Variants in MACF1 observed in about 807,000 individuals in gnomAD.
MACF1 encodes microtubule actin crosslinking factor 1.
Under a neutral mutation model 854.8 loss-of-function variants are expected in MACF1, and 193 were observed. The ratio of observed to expected loss-of-function variants is 0.23; its 90% CI spans 0.20 to 0.25. MACF1 has a LOEUF of 0.25. Ranked by LOEUF, MACF1 falls within the 10% of genes least tolerant of loss-of-function variation. The pLI, the probability that MACF1 is intolerant of heterozygous loss-of-function variation, is 1.00. For synonymous variants in MACF1, 3,185 were observed against 3,226.7 expected, an observed-to-expected ratio of 0.99 and a Z score of 0.44; for missense variants, 7,722 against 8,929.1, an observed-to-expected ratio of 0.86 and a Z score of 5.45.
chr1:39,116,401 T>TGTGC (rs1642545994), intron 2 of MACF1, among the ~76,000 whole-genome samples: 1 of 151,676 alleles, frequency 6.6e-6, no homozygotes, highest in Non-Finnish European at 1.5e-5. Context: ...TGTGTGTGTG[T>TGTGC]GTGCACGTGT....
intron 2 of MACF1, among the ~76,000 whole-genome samples, chr1:39,098,764 T>C (rs1028093020): frequency 2.5e-4 from 38 of 152,194 alleles, no homozygotes; most frequent in Admixed American, 1.9e-3. Flanking sequence ...GGCAGGGATC[T>C]TGTCTTCCTG....
At chr1:39,257,736 G>A in intron 5 of MACF1, 200 bp from the exon 6 acceptor site, 1 of 525,772 alleles carries the variant, frequency 1.9e-6, no homozygotes, top group Non-Finnish European at 3.4e-6. Flanking sequence ...CAAGGAGGGG[G>A]CCAGCACAAG....
chr1:39,311,671 G>A (rs1646303590), intron 26 of MACF1, among the ~76,000 whole-genome samples: 1 of 152,162 alleles, frequency 6.6e-6, no homozygotes, highest in African/African-American at 2.4e-5. Context: ...GGCTTATAGT[G>A]TAGTGAAAGG....
intron 2 of MACF1, among the ~76,000 whole-genome samples, chr1:39,180,178 G>A (rs1214363584): frequency 2.0e-5 from 3 of 151,868 alleles, no homozygotes; most frequent in Non-Finnish European, 4.4e-5. Flanking sequence ...ATAAATGCAG[G>A]ATGAAGACTT....
At chr1:39,441,819 C>T in intron 74 of MACF1, 133 bp from the exon 75 acceptor site, 1 of 670,916 alleles carries the variant, frequency 1.5e-6, no homozygotes, top group South Asian at 1.8e-5. Flanking sequence ...TTTATCTGTG[C>T]CCCTTACCTG....
intron 2 of MACF1, among the ~76,000 whole-genome samples, chr1:39,125,781 C>T (rs528443441): frequency 1.3e-5 from 2 of 152,276 alleles, no homozygotes; most frequent in Admixed American, 6.5e-5. Context: ...CGCCTGAGGT[C>T]AGGAGTTGAA....
rs747664903 is a variant in MACF1 at position 39,333,004 on chromosome 1, C to T, written c.6416C>T (p.Ala2139Val). 21 of 1,613,902 alleles carry T rather than the reference C, an allele frequency of 1.3e-5. No individual in the cohort carries two copies. The highest frequency in any genetic ancestry group is 1.8e-5 in the Non-Finnish European group (21 of 1,180,026). Residue 2139 changes from alanine to valine, a missense_variant, in exon 37 of 101, where the codon GCG (alanine) becomes GTG (valine). Coordinates refer to ENST00000564288, the MANE Select transcript of MACF1 (RefSeq NM_001394062.1). Reference protein sequence around the residue: ...GHLLTIPPAEAEGVPLVVDKD... With the variant: ...GHLLTIPPAEVEGVPLVVDKD... The stretch of plus-strand genomic sequence containing the variant: ...CTCCTGACCATACCTCCTGCTGAGG[C>T]GGAAGGTGTGCCGTTGGTGGTTGAC...
chr1:39,378,663 CTG>C lies in MACF1; in HGVS notation c.13276+143_13276+144del. ...AGGATAAAAATCTGGGGAGAAGCAA[CTG>C]TGGTTTGCTGGCTATAGACCATAAA... On this transcript the variant is annotated intron_variant, in intron 53 of 100. Coordinates refer to ENST00000564288, the MANE Select transcript of MACF1 (RefSeq NM_001394062.1). 6.7e-6 allele frequency: 5 copies of C among 747,744 alleles called. 1 individual carries two copies. The East Asian group carries it at 8.2e-5, about 12-fold the overall frequency. The allele number at this position is 747,744 out of a possible 1,614,324, so 46.3% of individuals were successfully genotyped here.
chr1:39,328,958 A>G (rs1306859619), intron 36 of MACF1, among the ~76,000 whole-genome samples: 1 of 152,250 alleles, frequency 6.6e-6, no homozygotes, highest in Non-Finnish European at 1.5e-5. Context: ...CACAAAAGAA[A>G]TGAAAAGTTC....
intron 2 of MACF1, among the ~76,000 whole-genome samples, chr1:39,149,345 A>G (rs1643527626): frequency 6.6e-6 from 1 of 152,098 alleles, no homozygotes; most frequent in African/African-American, 2.4e-5. Flanking sequence ...CAGTATGGTG[A>G]AACCCCGTCT....
chr1:39,299,770 C>T (rs976711886), intron 21 of MACF1, among the ~76,000 whole-genome samples: 2 of 152,156 alleles, frequency 1.3e-5, no homozygotes. Flanking sequence ...ATAAGTATAA[C>T]TAGCTTCTCC....
At chr1:39,191,548 AC>A (rs977499308) in intron 2 of MACF1, among the ~76,000 whole-genome samples, 1 of 152,210 alleles carries the variant, frequency 6.6e-6, no homozygotes, top group African/African-American at 2.4e-5. Context: ...TACTTGGGAC[AC>A]CTAAGGATGG....
rs567467609 is a variant in MACF1, at chr1:39,245,630, G to T, written c.172-4384G>T. ...AGGTTGGGAGTGGTAGCTCACACCT[G>T]TAATCCCAACACTTTGGGAGGCTGA... On this transcript the variant is annotated intron_variant, in intron 2 of 100. Transcript: ENST00000564288. Among the ~76,000 whole-genome samples the T allele has an allele frequency of 1.2e-4, 18 of 152,286 alleles. No homozygotes were observed. In the East Asian group the frequency reaches 2.5e-3, roughly 21 times the overall value.
intron 2 of MACF1, among the ~76,000 whole-genome samples, chr1:39,094,444 G>A (rs191652911): frequency 9.9e-5 from 15 of 151,072 alleles, no homozygotes; most frequent in East Asian, 5.8e-4. Flanking sequence ...AAATCGGGCC[G>A]CGCATGGTGG....
intron 15 of MACF1, among the ~76,000 whole-genome samples, chr1:39,289,413 CTT>C: frequency 6.6e-6 from 1 of 152,280 alleles, no homozygotes; most frequent in Middle Eastern, 3.4e-3. Flanking sequence ...TATTGCCTGT[CTT>C]TTGGATAAAA....
chr1:39,303,855 C>T (rs1371584443), intron 23 of MACF1, among the ~76,000 whole-genome samples: 3 of 148,104 alleles, frequency 2.0e-5, no homozygotes, highest in South Asian at 2.1e-4. Context: ...CCAGCCTGGG[C>T]GACAAAGGGA....
intron 58 of MACF1, chr1:39,412,791 T>C (rs1402892866): frequency 1.2e-6 from 2 of 1,612,660 alleles, no homozygotes; most frequent in Non-Finnish European, 1.7e-6. Flanking sequence ...CAGTACCCAC[T>C]GTCAAAGATG....
chr1:39,223,996 G>A (rs1644684475), intron 1 of MACF1, among the ~76,000 whole-genome samples: 1 of 152,144 alleles, frequency 6.6e-6, no homozygotes, highest in Non-Finnish European at 1.5e-5. Flanking sequence ...AGTTTGAGAT[G>A]AGCATGGAAG....
At chr1:39,319,571 GGTT>G in intron 30 of MACF1, 90 bp from the exon 31 acceptor site, 1 of 844,860 alleles carries the variant, frequency 1.2e-6, no homozygotes, top group Non-Finnish European at 1.9e-6. Context: ...ATGCAGCTAA[GGTT>G]TGGAAACTAC....
Sources: gnomAD v4.1 joint callset for allele counts (sites outside exome capture counted in the v4.1 genomes callset) on GRCh38, gnomAD v4.1.1 for gene constraint, MANE v1.5 for transcripts, NCBI Gene and HGNC (gene_info 2026-07-23, HGNC 2026-07-21) for gene names.